The following GLO1 variants were observed in gnomAD, a reference collection of about 807,000 sequenced individuals.
GLO1 encodes the protein lactoylglutathione lyase.
Under a neutral mutation model 26.0 loss-of-function variants are expected in GLO1, and 28 were observed. That is an observed-to-expected ratio of 1.08 (90% confidence interval 0.80 to 1.48). The LOEUF (loss-of-function observed/expected upper bound fraction) is 1.48. Ranked by LOEUF, GLO1 falls within the 40% of genes most tolerant of loss-of-function variation. GLO1 has a pLI of 0.00. For missense variants in GLO1, 225 were observed against 224.8 expected (o/e 1.00, Z -0.01); for synonymous variants, 78 against 77.6 (o/e 1.00, Z -0.03).
At chr6:38,702,829 A>G (rs908601444) in intron 1 of GLO1, 142 bp downstream of exon 1, 25 of 564,240 alleles carry the variant, frequency 4.4e-5, no homozygotes, top group Admixed American at 2.8e-4. Context: ...CCCATCAAAC[A>G]CCATTATCCC....
At chr6:38,679,544 C>T (rs1289525223) in intron 5 of GLO1, among the ~76,000 whole-genome samples, 1 of 151,966 alleles carries the variant, frequency 6.6e-6, no homozygotes, top group African/African-American at 2.4e-5. Context: ...ATCTGTAATC[C>T]CAATACTTTG....
intron 1 of GLO1, 49 bp downstream of exon 1, chr6:38,702,922 C>T (rs551249207): frequency 6.4e-6 from 7 of 1,093,434 alleles, no homozygotes; most frequent in African/African-American, 6.3e-5. Context: ...GCGGCCCGGT[C>T]CCGGCCCAGC....
chr6:38,690,728 C>CA (rs34326667), intron 1 of GLO1, among the ~76,000 whole-genome samples: 17,647 of 151,542 alleles, frequency 0.12, 2,493 homozygotes, highest in African/African-American at 0.32. Context: ...CTATACGTGG[C>CA]AAAAAAAGTA....
intron 1 of GLO1, among the ~76,000 whole-genome samples, chr6:38,702,609 A>G (rs139243932): frequency 6.6e-6 from 1 of 152,112 alleles, no homozygotes; most frequent in Non-Finnish European, 1.5e-5. Context: ...CAGGACTGGT[A>G]CAGGACAGGC....
intron 5 of GLO1, among the ~76,000 whole-genome samples, chr6:38,681,722 T>C (rs1244544086): frequency 6.6e-6 from 1 of 152,132 alleles, no homozygotes. Context: ...TGAAAGCTGG[T>C]GGCCAATGAA....
intron 1 of GLO1, among the ~76,000 whole-genome samples, chr6:38,698,165 T>C (rs1023175543): frequency 5.3e-5 from 8 of 152,160 alleles, no homozygotes; most frequent in African/African-American, 1.9e-4. Flanking sequence ...TCATCTTTTC[T>C]TTGAGTACCC....
intron 1 of GLO1, among the ~76,000 whole-genome samples, chr6:38,694,788 A>C (rs1487233964): frequency 6.6e-6 from 1 of 152,100 alleles, no homozygotes; most frequent in Non-Finnish European, 1.5e-5. Context: ...TCTGCTGTTT[A>C]GTAACATATA....
chr6:38,699,345 C>T (rs1761659098), intron 1 of GLO1, among the ~76,000 whole-genome samples: 1 of 152,080 alleles, frequency 6.6e-6, no homozygotes, highest in African/African-American at 2.4e-5. Flanking sequence ...ACCTCAGGAC[C>T]ACTGAGATAA....
intron 4 of GLO1, 103 bp downstream of exon 4, chr6:38,682,705 T>A (rs1761399271): frequency 1.6e-6 from 1 of 613,324 alleles, no homozygotes; most frequent in Non-Finnish European, 3.0e-6. Context: ...TTGATCATAC[T>A]TAATTAGGAC....
intron 1 of GLO1, 103 bp from the exon 2 acceptor site, chr6:38,687,077 C>T: frequency 6.7e-7 from 1 of 1,485,530 alleles, no homozygotes; most frequent in Non-Finnish European, 8.9e-7. Context: ...GTTAACCTAC[C>T]ACCTACAACT....
chr6:38,698,475 TTAA>T (rs1761643294), intron 1 of GLO1, among the ~76,000 whole-genome samples: 2 of 147,694 alleles, frequency 1.4e-5, no homozygotes, highest in South Asian at 4.2e-4. Flanking sequence ...TTAATATATA[TTAA>T]TTTTTTATAT....
Position 38,693,685 on chromosome 6 carries a change from C to CTA in GLO1, c.85-6713_85-6712dup, listed in dbSNP as rs1170645548. Among the ~76,000 whole-genome samples the CTA allele has an allele frequency of 9.5e-3, 824 of 86,370 alleles. 7 individuals are homozygous for CTA. Among genetic ancestry groups the CTA allele is most frequent in the South Asian group, 0.03 (82 of 2,732 alleles). The allele number at this position is 86,370 out of a possible 152,430, so 56.7% of individuals were successfully genotyped here. Reference sequence around the variant, plus strand: ...TCTCTCTCTCTCTCTCTCTCTCTCTCTATATATATATATATATATATTTGT... The same window carrying CTA: ...TCTCTCTCTCTCTCTCTCTCTCTCTCTATATATATATATATATATATATTTGT... On this transcript the variant is annotated intron_variant, in intron 1 of 5. Transcript: ENST00000373365.
rs773017496 is a variant in GLO1 at position 38,682,118 on chromosome 6, C to G, written c.377-17G>C. 1.5e-6 allele frequency: 2 copies of G among 1,342,170 alleles called. No homozygotes were observed. The highest frequency in any genetic ancestry group is 2.3e-5 in the East Asian group (1 of 43,650). 83.1% of individuals were successfully genotyped at this position (1,342,170 alleles called of 1,614,324 possible). On this transcript the variant is annotated splice_polypyrimidine_tract_variant and intron_variant, in intron 4 of 5. Transcript: ENST00000373365. Reference sequence around the variant, plus strand: ...CAATATGACCTTACGTGATACCCCCCGAAAAAAGCAGAGAGAAGGAAGAAA... The same window carrying G: ...CAATATGACCTTACGTGATACCCCCGGAAAAAAGCAGAGAGAAGGAAGAAA...
intron 1 of GLO1, among the ~76,000 whole-genome samples, chr6:38,693,741 A>T (rs1378921494): frequency 1.5e-5 from 2 of 137,734 alleles, no homozygotes; most frequent in African/African-American, 5.4e-5. Flanking sequence ...GACAGAGTCT[A>T]GCTCTGTCAC....
chr6:38,696,510 G>A (rs1415108548), intron 1 of GLO1, among the ~76,000 whole-genome samples: 1 of 152,160 alleles, frequency 6.6e-6, no homozygotes, highest in Non-Finnish European at 1.5e-5. Context: ...CTCATAGATG[G>A]TACCTTTGCA....
chr6:38,686,854 T>C, intron 2 of GLO1, 38 bp downstream of exon 2: 1 of 1,080,198 alleles, frequency 9.3e-7, no homozygotes, highest in South Asian at 1.3e-5. Flanking sequence ...CAAAGCTATA[T>C]ATTTAAACAT....
intron 5 of GLO1, among the ~76,000 whole-genome samples, chr6:38,681,229 AT>A (rs1300311924): frequency 6.6e-5 from 10 of 151,944 alleles, no homozygotes; most frequent in Non-Finnish European, 1.5e-4. Flanking sequence ...TGCCTGGCTA[AT>A]TTTTTCTATT....
At chr6:38,696,968 G>C (rs1761620629) in intron 1 of GLO1, among the ~76,000 whole-genome samples, 1 of 150,468 alleles carries the variant, frequency 6.6e-6, no homozygotes, top group Non-Finnish European at 1.5e-5. Flanking sequence ...GCCCAGGCTG[G>C]AGTGCAATGG....
chr6:38,676,298 G>A lies in GLO1; in HGVS notation c.*997C>T, dbSNP rs986916463. The stretch of plus-strand genomic sequence containing the variant: ...GGCTACTGGCATCATGAAGACCTTG[G>A]GATAGGGAAGACTCTTTATGAGAAA... On this transcript the variant is annotated 3_prime_UTR_variant, in exon 6 of 6. Transcript: ENST00000373365. 1 of 152,088 alleles carries A rather than the reference G, an allele frequency of 6.6e-6. No homozygotes were observed. The highest frequency in any genetic ancestry group is 6.5e-5 in the Admixed American group (1 of 15,270). 9.4% of individuals were successfully genotyped at this position (152,088 alleles called of 1,614,324 possible).
Sources: allele counts gnomAD v4.1 joint callset (sites outside exome capture counted in the v4.1 genomes callset), GRCh38; gene constraint gnomAD v4.1.1; transcripts MANE v1.5; gene names NCBI Gene and HGNC (gene_info 2026-07-23, HGNC 2026-07-21).